Variants in PLEC observed in about 807,000 individuals in gnomAD.
PLEC encodes the protein plectin, also known as hemidesmosomal protein 1.
In PLEC, 216 loss-of-function variants were observed where a neutral mutation model predicts 392.8. That is an observed-to-expected ratio of 0.55 (90% confidence interval 0.49 to 0.62). The LOEUF is 0.62. PLEC is among the 20% of genes least tolerant of loss of function. The pLI is 0.00. For synonymous variants in PLEC, 3,621 were observed against 2,980.6 expected (o/e 1.21, Z -7.00); for missense variants, 6,863 against 6,563.4 (o/e 1.05, Z -1.58).
chr8:143,942,631 T>C, upstream of PLEC: 4 of 1,255,874 alleles, frequency 3.2e-6, no homozygotes, highest in South Asian at 6.3e-5. Context: ...CTCCACCTCT[T>C]CCACCTCCCC....
intron 3 of PLEC, chr8:143,937,603 G>A (rs1443790144): frequency 6.6e-5 from 33 of 503,288 alleles, no homozygotes; most frequent in Non-Finnish European, 1.1e-4. Context: ...TGGGCAGCAC[G>A]GTGGACGGGC....
intron 4 of PLEC, 34 bp from the exon 5 acceptor site, chr8:143,937,105 G>A (rs1554724065): frequency 1.2e-6 from 2 of 1,609,466 alleles, no homozygotes; most frequent in South Asian, 1.1e-5. Context: ...ACGGCCCACA[G>A]GGCGGGGCTG....
upstream of PLEC, among the ~76,000 whole-genome samples, chr8:143,957,911 G>A (rs1357515962): frequency 1.3e-5 from 2 of 151,984 alleles, no homozygotes; most frequent in Non-Finnish European, 1.5e-5. Context: ...ATGCAGAGGC[G>A]ACCTGCGACA....
rs1554675535 is a variant in PLEC, at chr8:143,918,524, C to T, written c.11297G>A (p.Arg3766Gln). The T allele has an allele frequency of 8.1e-6, 13 of 1,608,192 alleles. No homozygotes were observed. Among genetic ancestry groups the T allele is most frequent in the Non-Finnish European group, 6.8e-6 (8 of 1,178,540 alleles). Residue 3766 changes from arginine (R) to glutamine (Q), a missense_variant, in exon 32 of 32, where the codon CGG becomes CAG. Transcript: ENST00000345136. ...ELHDRLLSAERAVTGYRDPYT... is the reference protein window; with the variant it reads ...ELHDRLLSAEQAVTGYRDPYT... ...GGGGTCACGGTAGCCGGTGACCGCCCGCTCAGCCGAGAGCAGGCGGTCGTG... is the reference window on the plus strand; with the variant it reads ...GGGGTCACGGTAGCCGGTGACCGCCTGCTCAGCCGAGAGCAGGCGGTCGTG...
Position 143,930,026 on chromosome 8 carries a change from C to G in PLEC, c.2649G>C (p.Trp883Cys), listed in dbSNP as rs781795142. The G allele has an allele frequency of 6.2e-7, 1 of 1,612,100 alleles. No individual in the cohort carries two copies. Among genetic ancestry groups the G allele is most frequent in the Non-Finnish European group, 8.5e-7 (1 of 1,179,784 alleles). ...TCTTCATGTCCACGTGCAACTGGTG[C>G]CACAGCGTGACCAGGGCCTGGTGCT... is the stretch of plus-strand genomic sequence containing the variant. ...EAQHQALVTL[W>C]HQLHVDMKSL... Residue 883 changes from tryptophan to cysteine, a missense_variant, in exon 22 of 32, where the codon TGG becomes TGC. Physicochemically the swap from Trp to Cys is radical, Grantham distance 215. Transcript: ENST00000345136.
At chr8:143,957,057 T>G (rs1554739445), upstream of PLEC, among the ~76,000 whole-genome samples, 1 of 151,748 alleles carries the variant, frequency 6.6e-6, no homozygotes, top group Non-Finnish European at 1.5e-5. Context: ...TGGAGGTGGC[T>G]GCAGCCGGGA....
In PLEC at chr8:143,930,171, T is replaced by C; in HGVS notation, c.2585A>G (p.Asn862Ser). Reference sequence around the variant, plus strand: ...GGTGACGGCCTCCTGGGCCTCCTGGTTGGGCGGGGGCACCAGGAAGCACAC... The same window carrying C: ...GGTGACGGCCTCCTGGGCCTCCTGGCTGGGCGGGGGCACCAGGAAGCACAC... ...PSVCFLVPPP[N>S]QEAQEAVTRL... Residue 862 changes from asparagine to serine, a missense_variant, in exon 21 of 32, where the codon AAC becomes AGC. By Grantham distance (46) the Asn-to-Ser change is conservative. Coordinates refer to ENST00000345136, the MANE Select transcript of PLEC (RefSeq NM_201384.3). The C allele has an allele frequency of 6.3e-7, 1 of 1,581,786 alleles. No homozygotes were observed. The highest frequency in any genetic ancestry group is 8.5e-7 in the Non-Finnish European group (1 of 1,170,034).
rs976469605 is a variant in PLEC at position 143,926,989 on chromosome 8, A to G, written c.3933T>C (p.Ser1311=). 6.2e-7 allele frequency: 1 copy of G among 1,612,742 alleles called. No individual in the cohort carries two copies. Among genetic ancestry groups the G allele is most frequent in the African/African-American group, 1.3e-5 (1 of 74,862 alleles). ...KKPKVQSGSE[S]VIQEYVDLRT... is the part of the protein sequence containing the mutation. Reference sequence around the variant, plus strand: ...GGCCCCACCCTACCTCCTGGATGACACTCTCTGATCCCGACTGGACCTTGG... The same window carrying G: ...GGCCCCACCCTACCTCCTGGATGACGCTCTCTGATCCCGACTGGACCTTGG... The change falls in exon 29 of 32, where the codon AGT becomes AGC. Residue 1311 remains serine, a synonymous_variant. Coordinates refer to ENST00000345136, the MANE Select transcript of PLEC (RefSeq NM_201384.3).
rs781932676 is a variant in PLEC, at chr8:143,918,891, G to A, written c.10930C>T (p.Arg3644Cys). ...AGGTCCTCAGCCGTGAGGCGGCGGC[G>A]CACGTAGTCGTAGGAGGCCAGACCC... ...QQGLASYDYV[R>C]RRLTAEDLFE... Residue 3644 changes from arginine (R) to cysteine (C), a missense_variant, in exon 32 of 32, where the codon CGC becomes TGC. By Grantham distance (180) the Arg-to-Cys change is radical. Coordinates refer to ENST00000345136, the MANE Select transcript of PLEC (RefSeq NM_201384.3). The A allele has an allele frequency of 5.4e-5, 87 of 1,612,054 alleles. No homozygotes were observed. In the East Asian group the frequency reaches 1.2e-3, roughly 22 times the overall value.
rs1554700376 is a variant in PLEC, at chr8:143,925,037, AGCTCCCGCTCTGCCTCCTCGC to A, written c.4871_4891del (p.Arg1624_Glu1630del). On this transcript the variant is annotated inframe_deletion, in exon 31 of 32. Coordinates refer to ENST00000345136, the MANE Select transcript of PLEC (RefSeq NM_201384.3). ...GTTGGCCTTGAGCTGCCAGCGCTCC[AGCTCCCGCTCTGCCTCCTCGC>A]GCGCCCGCTCGGCCTCGGCCTGCTG... 2 of 1,559,658 alleles carry A rather than the reference AGCTCCCGCTCTGCCTCCTCGC, an allele frequency of 1.3e-6. No homozygotes were observed. The highest frequency in any genetic ancestry group is 1.4e-5 in the African/African-American group (1 of 73,544).
At chr8:143,970,515 T>C (rs1554743900) in intron 1 of PLEC, among the ~76,000 whole-genome samples, 1 of 152,180 alleles carries the variant, frequency 6.6e-6, no homozygotes, top group Non-Finnish European at 1.5e-5. Context: ...GACCTCATGC[T>C]GATTATTAGT....
Position 143,923,732 on chromosome 8 carries a change from TG to T in PLEC, c.6196del (p.Gln2066SerfsTer52). 6.5e-7 allele frequency: 1 copy of T among 1,546,124 alleles called. No individual in the cohort carries two copies. Among genetic ancestry groups the T allele is most frequent in the Non-Finnish European group, 8.7e-7 (1 of 1,152,336 alleles). ...FAVQQKEQEL[Q>X]QTLQQEQSVL... ...GCTCTGCTCCTGCTGCAGCGTCTGC[TG>T]TAGCTCCTGCTCCTTCTGCTGCACC... On this transcript the variant is annotated frameshift_variant, in exon 31 of 32. Transcript: ENST00000345136. LOFTEE classifies it high-confidence loss of function.
chr8:143,925,616 C>T lies in PLEC; in HGVS notation c.4313G>A (p.Arg1438Gln), dbSNP rs782642707. The change falls in exon 31 of 32, where the codon CGG becomes CAG. Residue 1438 changes from arginine (R) to glutamine (Q), a missense_variant. By Grantham distance (43) the Arg-to-Gln change is conservative. Transcript: ENST00000345136. ...GCTGCGCTCAGCCGCCTCTGCCTGC[C>T]GGGCCTTGGCCTGGATCTCCGCCTC... Reference protein sequence around the residue: ...SSEAEIQAKARQAEAAERSRL... With the variant: ...SSEAEIQAKAQQAEAAERSRL... 2.3e-5 allele frequency: 36 copies of T among 1,582,336 alleles called. No homozygotes were observed. The highest frequency in any genetic ancestry group is 1.2e-4 in the South Asian group (11 of 89,072).
In PLEC at chr8:143,969,324, C is replaced by A. The variant is rs1409306674; in HGVS notation, c.70+4079G>T. Among the ~76,000 whole-genome samples, 1 of 152,198 alleles carries A rather than the reference C, an allele frequency of 6.6e-6. No homozygotes were observed. The highest frequency in any genetic ancestry group is 1.5e-5 in the Non-Finnish European group (1 of 68,040). ...CCCTCAGCCCCCCCATTCTCCCTGT[C>A]CCCCATCCAGGGCAGATTCCTCTGG... On this transcript the variant is annotated intron_variant, in intron 1 of 31. Transcript: ENST00000356346. This position sits in a 1 kb window ranked among gnomAD's most constrained non-coding sequence, Gnocchi z 5.1.
chr8:143,967,637 G>A (rs1176739043), intron 1 of PLEC, among the ~76,000 whole-genome samples: 1 of 152,010 alleles, frequency 6.6e-6, no homozygotes, highest in African/African-American at 2.4e-5. Context: ...AAAAGGTGTA[G>A]TAGCCAGGCA....
Position 143,926,804 on chromosome 8 carries a change from G to C in PLEC, c.4024C>G (p.Arg1342Gly). ...TGTACCTCCTCCTCCTCCATGCGCC[G>C]CAGAGTCTCGCTGATGAACTTGATG... The part of the protein sequence containing the change: ...QYIKFISETL[R>G]RMEEEERLAE... Residue 1342 changes from arginine (R) to glycine (G), a missense_variant, in exon 30 of 32, where the codon CGG (arginine) becomes GGG (glycine). Transcript: ENST00000345136. The C allele has an allele frequency of 1.2e-6, 2 of 1,613,566 alleles. No homozygotes were observed. The highest frequency in any genetic ancestry group is 1.7e-6 in the Non-Finnish European group (2 of 1,179,704).
intron 3 of PLEC, chr8:143,937,558 GCCACAGCAGCCACCGGTGGGT>G: frequency 2.0e-6 from 1 of 489,498 alleles, no homozygotes; most frequent in Non-Finnish European, 3.8e-6. Context: ...GGCGGTGGCA[GCCACAGCAGCCACCGGTGGGT>G]CCCAGGCCAG....
rs369142466 is a variant in PLEC at position 143,924,206 on chromosome 8, C to T, written c.5723G>A (p.Arg1908Gln). Residue 1908 changes from arginine (R) to glutamine (Q), a missense_variant, in exon 31 of 32, where the codon CGG becomes CAG. Arg to Gln is a conservative substitution (Grantham distance 43, BLOSUM62 1). Transcript: ENST00000345136. ...CGTGTCCTCCACCAGCCCCTTCTGC[C>T]GCTCCAGCTCGCTGTCCGATGCCTT... ...LRKASDSELERQKGLVEDTLR... is the reference protein window; with the variant it reads ...LRKASDSELEQQKGLVEDTLR... 73 of 1,598,830 alleles carry T rather than the reference C, an allele frequency of 4.6e-5. No individual in the cohort carries two copies. Among genetic ancestry groups the T allele is most frequent in the Admixed American group, 3.8e-4 (23 of 59,960 alleles).
In PLEC at chr8:143,930,612, G is replaced by C; in HGVS notation, c.2305-76C>G. 4.7e-6 allele frequency: 7 copies of C among 1,489,336 alleles called. No individual in the cohort carries two copies. The South Asian group carries it at 6.0e-5, about 13-fold the overall frequency. The allele number at this position is 1,489,336 out of a possible 1,614,324, so 92.3% of individuals were successfully genotyped here. A position where few individuals can be genotyped will look rare whatever the true frequency, so the allele number is the denominator to read the frequency against. On this transcript the variant is annotated intron_variant, in intron 19 of 31. Transcript: ENST00000345136. ...TGCCCCAGGCACCCCCAGACCCCGGGACCAGGCCTGTGGGGCCCTCCTGAT... is the reference window on the plus strand; with the variant it reads ...TGCCCCAGGCACCCCCAGACCCCGGCACCAGGCCTGTGGGGCCCTCCTGAT...
Sources: gnomAD v4.1 joint callset for allele counts (sites outside exome capture counted in the v4.1 genomes callset) on GRCh38, gnomAD v4.1.1 for gene constraint, Gnocchi (gnomAD v3.1) non-coding constraint, MANE v1.5 for transcripts, NCBI Gene and HGNC (gene_info 2026-07-23, HGNC 2026-07-21) for gene names.